Variants in FGR observed in about 807,000 individuals in gnomAD.
FGR encodes the protein tyrosine-protein kinase Fgr.
In FGR, 26 loss-of-function variants were observed where a neutral mutation model predicts 63.2. The observed-to-expected ratio is 0.41, with a 90% CI of 0.30 to 0.57. The LOEUF (loss-of-function observed/expected upper bound fraction) is 0.57, where lower values mean the gene tolerates loss of function less well. Among genes scored for constraint, FGR ranks in the 20% least tolerant of loss-of-function variants. FGR has a pLI of 0.27. For missense variants in FGR, 511 were observed against 690.8 expected (o/e 0.74, Z 2.92); for synonymous variants, 286 against 277.7 (o/e 1.03, Z -0.30).
In FGR at chr1:27,613,280, G is replaced by A. The variant is rs755893994; in HGVS notation, c.1320C>T (p.Asp440=). Residue 440 remains aspartate, a synonymous_variant, in exon 12 of 13, where the codon GAC becomes GAT. Coordinates refer to ENST00000374005, the MANE Select transcript of FGR (RefSeq NM_005248.3). ...ALFGRFTIKS[D]VWSFGILLTE... ...TGAGCAGGATCCCAAAGGACCACAC[G>A]TCTGACTTGATGGTGAATCTGCCAA... 30 of 1,614,072 alleles carry A rather than the reference G, an allele frequency of 1.9e-5. No homozygotes were observed. The highest frequency in any genetic ancestry group is 1.1e-4 in the South Asian group (10 of 91,084).
At chr1:27,614,738 C>T in intron 10 of FGR, 112 bp downstream of exon 10, 2 of 1,318,236 alleles carry the variant, frequency 1.5e-6, no homozygotes, top group Non-Finnish European at 2.1e-6. Flanking sequence ...CAGCTGGAGG[C>T]ACAGCTGATG....
At chr1:27,627,147 G>A (rs1269149459) in intron 1 of FGR, among the ~76,000 whole-genome samples, 1 of 152,048 alleles carries the variant, frequency 6.6e-6, no homozygotes, top group Non-Finnish European at 1.5e-5. Flanking sequence ...ACTCCAGCCT[G>A]GGAGACAGAG....
In FGR at chr1:27,612,646, G is replaced by A; in HGVS notation, c.*268C>T. The A allele has an allele frequency of 2.2e-6, 1 of 444,822 alleles. No individual in the cohort carries two copies. The highest frequency in any genetic ancestry group is 4.1e-6 in the Non-Finnish European group (1 of 245,066). 27.6% of individuals were successfully genotyped at this position (444,822 alleles called of 1,614,324 possible). A position where few individuals can be genotyped will look rare whatever the true frequency, so the allele number is the denominator to read the frequency against. On this transcript the variant is annotated 3_prime_UTR_variant, in exon 13 of 13. Transcript: ENST00000374005. ...TCTGAGCACTTTGGGTGGGGATGGA[G>A]TGAGAAAGGCTACAGGCATGTAGGG... is the stretch of plus-strand genomic sequence containing the variant.
chr1:27,616,894 C>A lies in FGR; in HGVS notation c.645G>T (p.Gln215His). 1 of 1,614,238 alleles carries A rather than the reference C, an allele frequency of 6.2e-7. No individual in the cohort carries two copies. The highest frequency in any genetic ancestry group is 8.5e-7 in the Non-Finnish European group (1 of 1,180,044). Residue 215 changes from glutamine (Q) to histidine (H), a missense_variant, in exon 7 of 13, where the codon CAG becomes CAT. By Grantham distance (24) the Gln-to-His change is conservative. Coordinates refer to ENST00000374005, the MANE Select transcript of FGR (RefSeq NM_005248.3). This position sits in a 1 kb window ranked among gnomAD's most constrained non-coding sequence, Gnocchi z 4.3. Reference protein sequence around the residue: ...MGGYYITTRVQFNSVQELVQH... With the variant: ...MGGYYITTRVHFNSVQELVQH... ...GCACCAGCTCCTGCACCGAGTTGAACTGAACCCGTGTGGTGATGTAGTAGC... is the reference window on the plus strand; with the variant it reads ...GCACCAGCTCCTGCACCGAGTTGAAATGAACCCGTGTGGTGATGTAGTAGC...
Position 27,617,060 on chromosome 1 carries a change from CT to C in FGR, c.533-55del. ...GTTCTCCTCTGCCCTAGTCTGGGAG[CT>C]GGGAGAGGCCCGACAGCAGCATCCC... On this transcript the variant is annotated intron_variant, in intron 6 of 12. Transcript: ENST00000374005. The surrounding 1 kb of genome is among the most constrained non-coding windows in gnomAD (Gnocchi z 4.5). 6.2e-7 allele frequency: 1 copy of C among 1,609,886 alleles called. No homozygotes were observed. The highest frequency in any genetic ancestry group is 1.9e-4 in the Middle Eastern group (1 of 5,360).
chr1:27,628,338 ACT>A (rs1383973502), intron 1 of FGR, among the ~76,000 whole-genome samples: 4 of 151,744 alleles, frequency 2.6e-5, no homozygotes, highest in African/African-American at 7.3e-5. Flanking sequence ...GCATAGTGAA[ACT>A]CTGTCTCAAA....
chr1:27,620,928 G>A (rs78960469), intron 5 of FGR, among the ~76,000 whole-genome samples: 1 of 141,794 alleles, frequency 7.1e-6, no homozygotes, highest in African/African-American at 2.7e-5. Context: ...TCAAAGCTGC[G>A]GTGAGCCGAG....
Position 27,621,626 on chromosome 1 carries a change from T to C in FGR, c.361A>G (p.Ser121Gly). ...GGAATGCAGCCAGTTTTTCCGGAGC[T>C]GAGAGACCGAGCCTCCCACCAGTCA... ...EGDWWEARSL[S>G]SGKTGCIPSN... The change falls in exon 5 of 13, where the codon AGC becomes GGC. Residue 121 changes from serine (S) to glycine (G), a missense_variant. Transcript: ENST00000374005. 6.2e-7 allele frequency: 1 copy of C among 1,613,884 alleles called. No homozygotes were observed. The highest frequency in any genetic ancestry group is 1.7e-5 in the Admixed American group (1 of 59,984).
chr1:27,614,100 C>T (rs2089751892), intron 11 of FGR, among the ~76,000 whole-genome samples: 2 of 152,242 alleles, frequency 1.3e-5, no homozygotes, highest in Non-Finnish European at 2.9e-5. Flanking sequence ...AGAATTCCCA[C>T]TGTTACACGC....
chr1:27,630,555 G>T (rs2090091604), intron 1 of FGR, among the ~76,000 whole-genome samples: 1 of 151,124 alleles, frequency 6.6e-6, no homozygotes, highest in African/African-American at 2.5e-5. Flanking sequence ...AGCAGGCAGG[G>T]CGCAGGTGGG....
chr1:27,631,664 C>A (rs1276422119), intron 1 of FGR, among the ~76,000 whole-genome samples: 2 of 152,208 alleles, frequency 1.3e-5, no homozygotes, highest in African/African-American at 4.8e-5. Flanking sequence ...GCCCAGTGAA[C>A]TTTCACTTCC....
At chr1:27,623,199 G>T in intron 3 of FGR, 55 bp from the exon 4 acceptor site, 1 of 1,332,950 alleles carries the variant, frequency 7.5e-7, no homozygotes, top group Non-Finnish European at 1.1e-6. Flanking sequence ...GCACCAAGGG[G>T]GCTGCACCCC....
chr1:27,620,800 C>T (rs1028539327), intron 5 of FGR, among the ~76,000 whole-genome samples: 4 of 141,602 alleles, frequency 2.8e-5, no homozygotes, highest in Non-Finnish European at 4.6e-5. Flanking sequence ...CCAAGATGGG[C>T]GGATGGCTTG....
rs573635051 is a variant in FGR at position 27,633,554 on chromosome 1, C to T, written c.-77+1511G>A. On this transcript the variant is annotated intron_variant, in intron 1 of 12. Coordinates refer to ENST00000374005, the MANE Select transcript of FGR (RefSeq NM_005248.3). ...GTCAGTGAGAGCCGGGCAGTCTGGT[C>T]CCCCTCCATGCTTTTTGTTGTTGTT... 3.3e-5 allele frequency among the ~76,000 whole-genome samples: 5 copies of T among 152,288 alleles called. No homozygotes were observed. In the East Asian group the frequency reaches 9.6e-4, roughly 29 times the overall value.
chr1:27,632,280 G>A (rs533029480), intron 1 of FGR, among the ~76,000 whole-genome samples: 2 of 152,108 alleles, frequency 1.3e-5, no homozygotes, highest in South Asian at 4.2e-4. Flanking sequence ...GGGATTACAG[G>A]CGTCTGCCAC....
Position 27,614,928 on chromosome 1 carries a change from TG to T in FGR, c.1019-3del, listed in dbSNP as rs779001229. 5.3e-5 allele frequency: 85 copies of T among 1,594,972 alleles called. No individual in the cohort carries two copies. The Admixed American group carries it at 1.5e-3, about 27-fold the overall frequency. On this transcript the variant is annotated splice_polypyrimidine_tract_variant and splice_region_variant and intron_variant, in intron 9 of 12. Transcript: ENST00000374005. ...TCTTGAGAAAATCCAGCAAGCTGCC[TG>T]GGAAGAAGCCAGAAAGTCAGCGGCA...
chr1:27,629,150 T>C (rs1246795976), intron 1 of FGR, among the ~76,000 whole-genome samples: 1 of 147,382 alleles, frequency 6.8e-6, no homozygotes, highest in African/African-American at 2.5e-5. Flanking sequence ...GACAGAGAGA[T>C]AGAAGGAAGA....
chr1:27,623,510 TG>T, intron 3 of FGR, 180 bp downstream of exon 3: 1 of 701,960 alleles, frequency 1.4e-6, no homozygotes, highest in East Asian at 2.7e-5. Context: ...GACCCTCCCC[TG>T]CAGACTGTGG....
At position 27,612,342 on chromosome 1, in the gene FGR, A is replaced by G. The variant is rs1274315709; in HGVS notation, c.*572T>C. The G allele has an allele frequency of 1.3e-5, 2 of 152,714 alleles. No individual in the cohort carries two copies. The highest frequency in any genetic ancestry group is 2.9e-5 in the Non-Finnish European group (2 of 68,472). The allele number at this position is 152,714 out of a possible 1,614,324, so 9.5% of individuals were successfully genotyped here. A position where few individuals can be genotyped will look rare whatever the true frequency, so the allele number is the denominator to read the frequency against. On this transcript the variant is annotated 3_prime_UTR_variant, in exon 13 of 13. Transcript: ENST00000374005. ...TTTTACTTATTTACAGAATCAATAA[A>G]CCAACACATACACACTATTCAGAGA... is the stretch of plus-strand genomic sequence containing the variant.
Sources: allele counts gnomAD v4.1 joint callset (sites outside exome capture counted in the v4.1 genomes callset), GRCh38; gene constraint gnomAD v4.1.1; non-coding constraint Gnocchi (gnomAD v3.1); transcripts MANE v1.5; gene names NCBI Gene and HGNC (gene_info 2026-07-23, HGNC 2026-07-21).